TOR1AIP1: variants seen among roughly 807,000 people sequenced by gnomAD.
TOR1AIP1 encodes the protein torsin-1A-interacting protein 1.
Under a neutral mutation model 63.3 loss-of-function variants are expected in TOR1AIP1, and 54 were observed. That is an observed-to-expected ratio of 0.85 (90% confidence interval 0.69 to 1.07). The LOEUF is 1.07. TOR1AIP1 is among the 50% of genes least tolerant of loss of function. The pLI, the probability that TOR1AIP1 is intolerant of heterozygous loss-of-function variation, is 0.00. For synonymous variants in TOR1AIP1, 294 were observed against 273.5 expected (o/e 1.07, Z -0.74); for missense variants, 736 against 715.0 (o/e 1.03, Z -0.33).
rs529019614 is a variant in TOR1AIP1 at position 179,908,700 on chromosome 1, A to C, written c.907+27A>C. On this transcript the variant is annotated intron_variant, in intron 8 of 9. Transcript: ENST00000606911. ...TAAGTAGATAAATCTCTGTTATTGA[A>C]ATAATCTTGTGTATTTGCTATGTTT... 3 of 1,581,484 alleles carry C rather than the reference A, an allele frequency of 1.9e-6. No homozygotes were observed. In the East Asian group the frequency reaches 6.7e-5, roughly 35 times the overall value.
chr1:179,902,373 A>C (rs763712584), intron 5 of TOR1AIP1, among the ~76,000 whole-genome samples: 8 of 151,480 alleles, frequency 5.3e-5, no homozygotes, highest in Non-Finnish European at 1.2e-4. Context: ...AAATAAGTAC[A>C]TAAGCTGGTT....
intron 3 of TOR1AIP1, 140 bp downstream of exon 3, chr1:179,889,509 T>C (rs1648002378): frequency 1.8e-6 from 1 of 559,334 alleles, no homozygotes; most frequent in Non-Finnish European, 2.9e-6. Flanking sequence ...GTCCCCTCTG[T>C]CATTCAGCCA....
Position 179,914,729 on chromosome 1 carries a change from G to A in TOR1AIP1, c.964+675G>A, listed in dbSNP as rs532862796. Among the ~76,000 whole-genome samples the A allele has an allele frequency of 9.7e-4, 147 of 152,072 alleles. 1 individual carries two copies. The highest frequency in any genetic ancestry group is 3.3e-3 in the Admixed American group (51 of 15,286). The stretch of plus-strand genomic sequence containing the variant: ...GAATCACTTGAACCCAGGAAGCGGA[G>A]GTTGCAGTGAGCCGAGATTGTGCCA... On this transcript the variant is annotated intron_variant, in intron 9 of 9. Transcript: ENST00000606911.
chr1:179,900,268 G>C (rs1001955066), intron 4 of TOR1AIP1, 101 bp downstream of exon 4: 15 of 785,666 alleles, frequency 1.9e-5, no homozygotes, highest in Non-Finnish European at 2.6e-5. Flanking sequence ...CAGAGCCGGG[G>C]ACTGTGGCAC....
rs557198456 is a variant in TOR1AIP1 at position 179,913,912 on chromosome 1, A to C, written c.908-86A>C. 40 of 1,279,316 alleles carry C rather than the reference A, an allele frequency of 3.1e-5. No individual in the cohort carries two copies. The East Asian group carries it at 4.9e-4, about 16-fold the overall frequency. The allele number at this position is 1,279,316 out of a possible 1,614,324, so 79.2% of individuals were successfully genotyped here. ...TCTGTCTTCTTTTTTTCCTGGTGGA[A>C]TTTGTATCTTCTTTGTCTACTAGAA... On this transcript the variant is annotated intron_variant, in intron 8 of 9. Transcript: ENST00000606911.
At chr1:179,910,509 C>G (rs1337497315) in intron 8 of TOR1AIP1, among the ~76,000 whole-genome samples, 1 of 152,140 alleles carries the variant, frequency 6.6e-6, no homozygotes, top group African/African-American at 2.4e-5. Context: ...ACTTTTTGCC[C>G]TTGTCTTACT....
chr1:179,884,169 C>T lies in TOR1AIP1; in HGVS notation c.476-523C>T, dbSNP rs1237583839. The stretch of plus-strand genomic sequence containing the variant: ...TTTAAGATTACAAAGTTTTTGCAGA[C>T]AAGGAGCCTATAATATATTTGATAG... On this transcript the variant is annotated intron_variant, in intron 1 of 9. Coordinates refer to ENST00000606911, the MANE Select transcript of TOR1AIP1 (RefSeq NM_015602.4). 1.9e-5 allele frequency: 3 copies of T among 156,646 alleles called. No homozygotes were observed. In the East Asian group the frequency reaches 5.7e-4, roughly 30 times the overall value. 9.7% of individuals were successfully genotyped at this position (156,646 alleles called of 1,614,324 possible). A position where few individuals can be genotyped will look rare whatever the true frequency, so the allele number is the denominator to read the frequency against.
At chr1:179,883,832 C>T in intron 1 of TOR1AIP1, 1 of 363,434 alleles carries the variant, frequency 2.8e-6, no homozygotes, top group South Asian at 2.0e-5. Context: ...CCCTGCCCCC[C>T]CCATTTTAGG....
At chr1:179,903,651 G>A (rs1648534099) in intron 5 of TOR1AIP1, among the ~76,000 whole-genome samples, 1 of 152,020 alleles carries the variant, frequency 6.6e-6, no homozygotes. Context: ...TTGGATTACA[G>A]GCACGCGCCA....
At chr1:179,901,844 T>G (rs1253556786) in intron 5 of TOR1AIP1, among the ~76,000 whole-genome samples, 1 of 151,994 alleles carries the variant, frequency 6.6e-6, no homozygotes, top group Non-Finnish European at 1.5e-5. Context: ...ATGAAAGAGT[T>G]GACTAAAGAG....
chr1:179,890,986 T>C (rs1648058320), intron 3 of TOR1AIP1, among the ~76,000 whole-genome samples: 2 of 152,176 alleles, frequency 1.3e-5, no homozygotes, highest in Admixed American at 6.5e-5. Context: ...TATATATATC[T>C]AGTCATTGGC....
chr1:179,889,413 A>G (rs578059555), intron 3 of TOR1AIP1, 44 bp downstream of exon 3: 2 of 1,503,546 alleles, frequency 1.3e-6, no homozygotes, highest in East Asian at 4.5e-5. Context: ...TTATAAATAC[A>G]GTTTTATTTT....
intron 8 of TOR1AIP1, chr1:179,913,565 T>C (rs1304445204): frequency 1.4e-6 from 1 of 702,266 alleles, no homozygotes; most frequent in Non-Finnish European, 2.6e-6. Context: ...CATTTTGTCC[T>C]TATTTTCCCC....
chr1:179,911,007 T>A lies in TOR1AIP1; in HGVS notation c.907+2334T>A, dbSNP rs151130901. ...TATTTTATCTGTTTGCATTTCTACT[T>A]TGTCTTAAGTTACTATGTTTATTAT... On this transcript the variant is annotated intron_variant, in intron 8 of 9. Transcript: ENST00000606911. Among the ~76,000 whole-genome samples the A allele has an allele frequency of 2.3e-4, 35 of 152,338 alleles. No individual in the cohort carries two copies. The East Asian group carries it at 6.6e-3, about 29-fold the overall frequency.
intron 3 of TOR1AIP1, among the ~76,000 whole-genome samples, chr1:179,894,567 A>G (rs1327982093): frequency 6.6e-6 from 1 of 152,126 alleles, no homozygotes; most frequent in Non-Finnish European, 1.5e-5. Context: ...AGGCACCTGT[A>G]ATCCCAGCCA....
chr1:179,886,687 G>A (rs1647917999), intron 2 of TOR1AIP1, among the ~76,000 whole-genome samples: 1 of 152,118 alleles, frequency 6.6e-6, no homozygotes, highest in Non-Finnish European at 1.5e-5. Flanking sequence ...ATAAATGACA[G>A]ATTAAATGGA....
rs773422033 is a variant in TOR1AIP1 at position 179,882,957 on chromosome 1, G to A, written c.455G>A (p.Arg152Gln). Residue 152 changes from arginine to glutamine, a missense_variant, in exon 1 of 10, where the codon CGG (arginine) becomes CAG (glutamine). Arg to Gln is a conservative substitution (Grantham distance 43). Coordinates refer to ENST00000606911, the MANE Select transcript of TOR1AIP1 (RefSeq NM_015602.4). ...PSPVMTRRGL[R>Q]DSHSSEEDEA... is the part of the protein sequence containing the mutation. ...CCTGTTATGACCAGGAGAGGGCTGC[G>A]GGACTCTCATTCCTCTGAAGGTGAG... The A allele has an allele frequency of 1.2e-5, 19 of 1,612,748 alleles. No individual in the cohort carries two copies. The highest frequency in any genetic ancestry group is 1.7e-5 in the Admixed American group (1 of 59,888).
At chr1:179,900,522 C>T in intron 4 of TOR1AIP1, 1 of 154,816 alleles carries the variant, frequency 6.5e-6, no homozygotes, top group Non-Finnish European at 1.4e-5. Flanking sequence ...CTGTGAATGG[C>T]CACTGCACTC....
chr1:179,903,302 A>G (rs941637194), intron 5 of TOR1AIP1, among the ~76,000 whole-genome samples: 3 of 152,116 alleles, frequency 2.0e-5, no homozygotes, highest in Non-Finnish European at 4.4e-5. Context: ...AGTATACAAA[A>G]ATATTGCCCA....
Sources: allele counts gnomAD v4.1 joint callset (sites outside exome capture counted in the v4.1 genomes callset), GRCh38; gene constraint gnomAD v4.1.1; transcripts MANE v1.5; gene names NCBI Gene and HGNC (gene_info 2026-07-23, HGNC 2026-07-21).